Variants in IMMP2L observed in about 807,000 individuals in gnomAD.
The protein encoded by IMMP2L is inner mitochondrial membrane peptidase subunit 2.
A neutral mutation model predicts 19.3 loss-of-function variants in IMMP2L; 18 were observed. The ratio of observed to expected loss-of-function variants is 0.93; its 90% confidence interval spans 0.64 to 1.38. The LOEUF (loss-of-function observed/expected upper bound fraction) is 1.38, where lower values mean the gene tolerates loss of function less well. IMMP2L is among the 40% of genes most tolerant of loss of function. The pLI, the probability that IMMP2L is intolerant of heterozygous loss-of-function variation, is 0.00. For missense variants in IMMP2L, 233 were observed against 218.2 expected, an observed-to-expected ratio of 1.07 and a Z score of -0.43; for synonymous variants, 76 against 73.0, an observed-to-expected ratio of 1.04 and a Z score of -0.21.
chr7:110,947,627 G>A (rs1817391486), intron 4 of IMMP2L, among the ~76,000 whole-genome samples: 1 of 152,038 alleles, frequency 6.6e-6, no homozygotes, highest in Non-Finnish European at 1.5e-5. Flanking sequence ...TTCCATTTTG[G>A]CTTTCCATCC....
chr7:110,998,216 C>A (rs1823248626), intron 3 of IMMP2L, among the ~76,000 whole-genome samples: 1 of 152,110 alleles, frequency 6.6e-6, no homozygotes, highest in African/African-American at 2.4e-5. Context: ...CCCAGTTGTT[C>A]CGAATGCCTA....
intron 3 of IMMP2L, 33 bp downstream of exon 3, chr7:111,487,205 T>C (rs1411623196): frequency 1.1e-6 from 1 of 944,436 alleles, no homozygotes; most frequent in Non-Finnish European, 1.7e-6. Context: ...AATAATTTTA[T>C]ATACAAATAT....
intron 3 of IMMP2L, among the ~76,000 whole-genome samples, chr7:111,099,185 G>A (rs111504666): frequency 4.6e-5 from 7 of 151,746 alleles, no homozygotes; most frequent in Admixed American, 2.0e-4. Context: ...TATAATAAGT[G>A]ACACAAAAGA....
At chr7:110,714,852 C>A (rs963953548) in intron 5 of IMMP2L, among the ~76,000 whole-genome samples, 1 of 152,162 alleles carries the variant, frequency 6.6e-6, no homozygotes, top group African/African-American at 2.4e-5. Context: ...GCCTCAGCCT[C>A]CCAAAGTGCT....
chr7:111,476,342 G>T (rs1235258732), intron 3 of IMMP2L, among the ~76,000 whole-genome samples: 1 of 152,080 alleles, frequency 6.6e-6, no homozygotes, highest in Non-Finnish European at 1.5e-5. Context: ...TAAAATCGGT[G>T]TTTTCAAACA....
chr7:111,409,359 A>G (rs1266141470), intron 3 of IMMP2L, among the ~76,000 whole-genome samples: 1 of 151,636 alleles, frequency 6.6e-6, no homozygotes, highest in African/African-American at 2.4e-5. Flanking sequence ...AACCAAGCAT[A>G]TTAAAAGTCC....
intron 3 of IMMP2L, among the ~76,000 whole-genome samples, chr7:111,450,093 C>T (rs1190434660): frequency 6.6e-6 from 1 of 151,904 alleles, no homozygotes; most frequent in East Asian, 1.9e-4. Context: ...ATTCCATGCT[C>T]ATGGGTAGGA....
chr7:111,446,022 G>C (rs903815036), intron 3 of IMMP2L, among the ~76,000 whole-genome samples: 1 of 152,046 alleles, frequency 6.6e-6, no homozygotes. Flanking sequence ...GGCGCACCAC[G>C]AGACTGTATC....
chr7:110,905,857 A>G lies in IMMP2L; in HGVS notation c.306-19162T>C, dbSNP rs1470559871. Among the ~76,000 whole-genome samples, 13 of 152,208 alleles carry G rather than the reference A, an allele frequency of 8.5e-5. No homozygotes were observed. In the East Asian group the frequency reaches 2.5e-3, roughly 29 times the overall value. ...CACTTCTTAATCATAACACTGAATT[A>G]TAAAACATGAAATACACAATTTATT... On this transcript the variant is annotated intron_variant, in intron 4 of 5. Coordinates refer to ENST00000405709, the MANE Select transcript of IMMP2L (RefSeq NM_032549.4).
At chr7:110,729,687 C>T (rs896989029) in intron 5 of IMMP2L, among the ~76,000 whole-genome samples, 5 of 152,202 alleles carry the variant, frequency 3.3e-5, no homozygotes, top group African/African-American at 1.2e-4. Flanking sequence ...TATCTGTTCT[C>T]ACTTATAACT....
At chr7:111,411,148 G>A (rs1834385786) in intron 3 of IMMP2L, among the ~76,000 whole-genome samples, 1 of 147,366 alleles carries the variant, frequency 6.8e-6, no homozygotes, top group Non-Finnish European at 1.5e-5. Flanking sequence ...AGAAAAAAAG[G>A]CACATAATAT....
At chr7:111,218,871 G>GA (rs904835382) in intron 3 of IMMP2L, among the ~76,000 whole-genome samples, 4 of 151,870 alleles carry the variant, frequency 2.6e-5, no homozygotes, top group African/African-American at 9.7e-5. Context: ...AATAAATCTT[G>GA]AAAATCAAGG....
intron 3 of IMMP2L, among the ~76,000 whole-genome samples, chr7:111,273,990 A>T (rs904213952): frequency 6.6e-6 from 1 of 152,146 alleles, no homozygotes; most frequent in Non-Finnish European, 1.5e-5. Context: ...TCTTCAGTCA[A>T]CATATAATTT....
At chr7:110,923,270 T>C (rs556095871) in intron 4 of IMMP2L, among the ~76,000 whole-genome samples, 22 of 152,332 alleles carry the variant, frequency 1.4e-4, no homozygotes, top group African/African-American at 4.8e-4. Context: ...AGGGAACTTC[T>C]ATGGCTTGAC....
intron 3 of IMMP2L, among the ~76,000 whole-genome samples, chr7:111,013,022 T>C (rs955354048): frequency 6.6e-6 from 1 of 152,116 alleles, no homozygotes; most frequent in Non-Finnish European, 1.5e-5. Flanking sequence ...ACAAGAACTA[T>C]AGCAGTGAGC....
At chr7:110,894,446 T>C (rs1399878396) in intron 4 of IMMP2L, among the ~76,000 whole-genome samples, 1 of 152,162 alleles carries the variant, frequency 6.6e-6, no homozygotes, top group Non-Finnish European at 1.5e-5. Flanking sequence ...CATATAATGG[T>C]TTTAATTTGC....
At chr7:111,488,286 C>A (rs1404955039) in intron 2 of IMMP2L, among the ~76,000 whole-genome samples, 2 of 152,140 alleles carry the variant, frequency 1.3e-5, no homozygotes, top group Non-Finnish European at 2.9e-5. Flanking sequence ...GCACCCATCA[C>A]CCGAGCAACG....
chr7:111,316,942 C>T (rs1481046275), intron 3 of IMMP2L, among the ~76,000 whole-genome samples: 3 of 149,892 alleles, frequency 2.0e-5, no homozygotes, highest in African/African-American at 7.4e-5. Flanking sequence ...CTCCGCCTCC[C>T]GAGTTCAAGT....
At chr7:110,767,664 C>T (rs1186022469) in intron 5 of IMMP2L, among the ~76,000 whole-genome samples, 1 of 152,148 alleles carries the variant, frequency 6.6e-6, no homozygotes, top group Non-Finnish European at 1.5e-5. Context: ...ACCTCTATTT[C>T]CAATGTTATT....
Sources: gnomAD v4.1 joint callset for allele counts (sites outside exome capture counted in the v4.1 genomes callset) on GRCh38, gnomAD v4.1.1 for gene constraint, MANE v1.5 for transcripts, NCBI Gene and HGNC (gene_info 2026-07-23, HGNC 2026-07-21) for gene names.